Variants in CCNY observed in about 807,000 individuals in gnomAD.
The protein encoded by CCNY is cyclin-Y.
Under a neutral mutation model 42.8 loss-of-function variants are expected in CCNY, and 19 were observed. The observed-to-expected ratio is 0.44, with a 90% CI of 0.31 to 0.65. The LOEUF is 0.65. CCNY is among the 30% of genes least tolerant of loss of function. CCNY has a pLI of 0.07. For synonymous variants in CCNY, 165 were observed against 162.7 expected, an observed-to-expected ratio of 1.01 and a Z score of -0.11; for missense variants, 370 against 437.3, an observed-to-expected ratio of 0.85 and a Z score of 1.37.
At chr10:35,338,792 A>G (rs886739771) in intron 1 of CCNY, among the ~76,000 whole-genome samples, 1 of 152,140 alleles carries the variant, frequency 6.6e-6, no homozygotes, top group Non-Finnish European at 1.5e-5. Flanking sequence ...GTTTTGAATG[A>G]TGGATCAAAA....
intron 3 of CCNY, among the ~76,000 whole-genome samples, chr10:35,321,661 T>A (rs541496474): frequency 6.6e-6 from 1 of 151,948 alleles, no homozygotes; most frequent in African/African-American, 2.4e-5. Context: ...CTGGGTGACA[T>A]AGTAAGACCC....
At chr10:35,449,781 C>G (rs1172548363) in intron 1 of CCNY, 1 of 985,212 alleles carries the variant, frequency 1.0e-6, no homozygotes, top group Admixed American at 6.1e-5. Flanking sequence ...CAGTGCTTCT[C>G]CTGGCCTCTG....
At chr10:35,393,308 C>T (rs1168458124) in intron 1 of CCNY, among the ~76,000 whole-genome samples, 1 of 152,060 alleles carries the variant, frequency 6.6e-6, no homozygotes, top group Non-Finnish European at 1.5e-5. Context: ...TTTCTCAAAC[C>T]TTGCTGTCCG....
At chr10:35,556,727 C>T (rs1185883191) in intron 8 of CCNY, among the ~76,000 whole-genome samples, 3 of 152,100 alleles carry the variant, frequency 2.0e-5, no homozygotes, top group Admixed American at 6.5e-5. Flanking sequence ...GTACTTGGCA[C>T]GGTTGTGTCT....
At chr10:35,466,679 T>C (rs541660615) in intron 1 of CCNY, among the ~76,000 whole-genome samples, 1 of 152,308 alleles carries the variant, frequency 6.6e-6, no homozygotes, top group East Asian at 1.9e-4. Context: ...CTCTGGTGAA[T>C]GTGGCAGTGA....
intron 7 of CCNY, among the ~76,000 whole-genome samples, chr10:35,538,868 A>G (rs189951280): frequency 1.3e-5 from 2 of 152,348 alleles, no homozygotes; most frequent in Non-Finnish European, 2.9e-5. Context: ...ACCCATGGTC[A>G]TGATGATTTA....
chr10:35,483,982 T>G (rs1839730482), intron 2 of CCNY, among the ~76,000 whole-genome samples: 1 of 152,242 alleles, frequency 6.6e-6, no homozygotes, highest in Non-Finnish European at 1.5e-5. Context: ...TCTAAGTTTA[T>G]TCTTGTAGAT....
chr10:35,391,977 TAA>T (rs1837423866), intron 1 of CCNY, among the ~76,000 whole-genome samples: 1 of 125,808 alleles, frequency 7.9e-6, no homozygotes, highest in African/African-American at 3.3e-5. Flanking sequence ...CAGCCTTCTA[TAA>T]CATTTATTCC....
chr10:35,327,956 CAG>C (rs1273965105), intron 3 of CCNY, among the ~76,000 whole-genome samples: 4 of 152,212 alleles, frequency 2.6e-5, no homozygotes, highest in Admixed American at 6.5e-5. Flanking sequence ...ACGAGGCTTA[CAG>C]AGATTGCCCT....
At chr10:35,434,673 A>G (rs1321156091) in intron 1 of CCNY, among the ~76,000 whole-genome samples, 2 of 152,166 alleles carry the variant, frequency 1.3e-5, no homozygotes, top group African/African-American at 2.4e-5. Flanking sequence ...CTTTATTCAG[A>G]GGGATGCTTT....
At chr10:35,295,796 A>G (rs548018647) in intron 3 of CCNY, among the ~76,000 whole-genome samples, 21 of 152,270 alleles carry the variant, frequency 1.4e-4, no homozygotes, top group African/African-American at 4.8e-4. Flanking sequence ...AAGTTCATCC[A>G]TATCATATCA....
intron 7 of CCNY, among the ~76,000 whole-genome samples, chr10:35,541,785 CAAGACACCATCT>C (rs1345915695): frequency 4.0e-5 from 6 of 151,758 alleles, no homozygotes; most frequent in African/African-American, 1.5e-4. Flanking sequence ...GGATCCCATC[CAAGACACCATCT>C]TGTATCTAGT....
chr10:35,394,103 C>T (rs950756290), intron 1 of CCNY, among the ~76,000 whole-genome samples: 7 of 152,128 alleles, frequency 4.6e-5, no homozygotes, highest in Non-Finnish European at 8.8e-5. Context: ...CTTATGTTTC[C>T]CCTCCTGTAA....
chr10:35,459,370 T>G (rs1305701696), intron 1 of CCNY, among the ~76,000 whole-genome samples: 1 of 152,242 alleles, frequency 6.6e-6, no homozygotes. Context: ...GTAAACTTTC[T>G]TGAAACATTA....
rs1362894875 is a variant in CCNY, at chr10:35,292,920, C to T, written c.-9+42294C>T. On this transcript the variant is annotated intron_variant, in intron 3 of 11. Coordinates refer to the CCNY transcript ENST00000374706. ...TCAGCCTCCTGAGTAGCTGGGATTA[C>T]AGACACCTGTTACCACGCCTAGCTA... Among the ~76,000 whole-genome samples, 3 of 150,960 alleles carry T rather than the reference C, an allele frequency of 2.0e-5. No individual in the cohort carries two copies. The Admixed American group carries it at 2.0e-4, about 10-fold the overall frequency.
chr10:35,494,162 C>T (rs1839957491), intron 2 of CCNY, among the ~76,000 whole-genome samples: 1 of 147,834 alleles, frequency 6.8e-6, no homozygotes, highest in African/African-American at 2.5e-5. Flanking sequence ...GTAATCCCAG[C>T]ATTTTGGGAG....
At position 35,516,630 on chromosome 10, in the gene CCNY, A is replaced by ATAT. The variant is rs1840431501; in HGVS notation, c.365+8_365+10dup. ...TCAAGTATACAATTAAATGGTGGGT[A>ATAT]TATGGATTTATTTCCTTCCTTCCTT... On this transcript the variant is annotated splice_region_variant and intron_variant, in intron 4 of 9. Transcript: ENST00000374704. 1.3e-6 allele frequency: 1 copy of ATAT among 758,376 alleles called. No homozygotes were observed. The highest frequency in any genetic ancestry group is 2.0e-5 in the African/African-American group (1 of 49,664). The allele number at this position is 758,376 out of a possible 1,614,324, so 47.0% of individuals were successfully genotyped here. A position where few individuals can be genotyped will look rare whatever the true frequency, so the allele number is the denominator to read the frequency against.
Position 35,337,279 on chromosome 10 carries a change from G to A in CCNY, c.154+72G>A, listed in dbSNP as rs957588499. ...CGCACAGCCAACGTCGGGGCGGCCC[G>A]GCTGCTCTTGCTTGCCCAGCCGGTC... On this transcript the variant is annotated intron_variant, in intron 1 of 9. Transcript: ENST00000374704. 7.3e-6 allele frequency: 10 copies of A among 1,368,290 alleles called. No individual in the cohort carries two copies. In the African/African-American group the frequency reaches 1.2e-4, roughly 16 times the overall value. The allele number at this position is 1,368,290 out of a possible 1,614,324, so 84.8% of individuals were successfully genotyped here.
At chr10:35,507,501 T>C (rs1430502657) in intron 3 of CCNY, among the ~76,000 whole-genome samples, 2 of 152,232 alleles carry the variant, frequency 1.3e-5, no homozygotes, top group East Asian at 3.9e-4. Flanking sequence ...TTCTCCCTAA[T>C]ACTCCACTGT....
Sources: allele counts gnomAD v4.1 joint callset (sites outside exome capture counted in the v4.1 genomes callset), GRCh38; gene constraint gnomAD v4.1.1; transcripts MANE v1.5; gene names NCBI Gene and HGNC (gene_info 2026-07-23, HGNC 2026-07-21).